Variants in KDM4C observed in about 807,000 individuals in gnomAD.
The protein encoded by KDM4C is lysine demethylase 4C.
Under a neutral mutation model 129.3 loss-of-function variants are expected in KDM4C, and 81 were observed. The observed-to-expected ratio is 0.63, with a 90% CI of 0.52 to 0.75. The LOEUF is 0.75. Among genes scored for constraint, KDM4C ranks in the 30% least tolerant of loss-of-function variants. The probability of loss-of-function intolerance (pLI) is 0.00; values close to 1 mark genes in which losing one functional copy is unlikely to be tolerated. For synonymous variants in KDM4C, 573 were observed against 456.1 expected, an observed-to-expected ratio of 1.26 and a Z score of -3.26; for missense variants, 1,457 against 1,304.0, an observed-to-expected ratio of 1.12 and a Z score of -1.81.
chr9:6,981,574 G>A (rs1816770156), intron 9 of KDM4C, among the ~76,000 whole-genome samples: 1 of 152,114 alleles, frequency 6.6e-6, no homozygotes. Flanking sequence ...TATGCACATG[G>A]TTTTATTCTT....
chr9:6,790,811 G>A (rs7040293), intron 1 of KDM4C, among the ~76,000 whole-genome samples: 16,343 of 151,962 alleles, frequency 0.11, 1,011 homozygotes, highest in African/African-American at 0.13. Context: ...ACTTACCTTT[G>A]CATTCTGTGT....
intron 1 of KDM4C, among the ~76,000 whole-genome samples, chr9:6,741,861 C>G (rs893112986): frequency 2.6e-5 from 4 of 151,090 alleles, no homozygotes; most frequent in African/African-American, 9.7e-5. Context: ...AGCCATCATG[C>G]CTGGCCTGTT....
At position 6,814,642 on chromosome 9, in the gene KDM4C, C is replaced by G; in HGVS notation, c.332C>G (p.Pro111Arg). The G allele has an allele frequency of 6.2e-7, 1 of 1,601,476 alleles. No homozygotes were observed. The highest frequency in any genetic ancestry group is 8.5e-7 in the Non-Finnish European group (1 of 1,173,068). ...QLANSGKYCT[P>R]RYLDYEDLER... Reference sequence around the variant, plus strand: ...TCTACCTTTTACAGATATTGTACTCCAAGATACTTGGATTACGAAGATTTG... The same window carrying G: ...TCTACCTTTTACAGATATTGTACTCGAAGATACTTGGATTACGAAGATTTG... Residue 111 changes from proline (P) to arginine (R), a missense_variant, in exon 4 of 22, where the codon CCA becomes CGA. By Grantham distance (103) the Pro-to-Arg change is moderately radical. Coordinates refer to ENST00000381309, the MANE Select transcript of KDM4C (RefSeq NM_015061.6).
intron 8 of KDM4C, among the ~76,000 whole-genome samples, chr9:6,973,254 G>T (rs1407951596): frequency 1.3e-5 from 2 of 152,130 alleles, no homozygotes; most frequent in Non-Finnish European, 2.9e-5. Flanking sequence ...TGTTGCCCAG[G>T]CTGCTCTTGA....
At chr9:7,084,378 C>A (rs545388552) in intron 17 of KDM4C, among the ~76,000 whole-genome samples, 1 of 152,202 alleles carries the variant, frequency 6.6e-6, no homozygotes, top group Non-Finnish European at 1.5e-5. Context: ...TTGTTAGCCA[C>A]TGTGGTGTTA....
chr9:7,072,722 C>T (rs1362958969), intron 17 of KDM4C, among the ~76,000 whole-genome samples: 1 of 152,136 alleles, frequency 6.6e-6, no homozygotes, highest in Non-Finnish European at 1.5e-5. Context: ...TTTGTGGAAA[C>T]TTACAGAAGT....
intron 13 of KDM4C, 32 bp from the exon 14 acceptor site, chr9:7,013,756 T>C: frequency 6.2e-7 from 1 of 1,601,042 alleles, no homozygotes; most frequent in East Asian, 2.2e-5. Flanking sequence ...TTTCCATGTT[T>C]TTCACTCATG....
intron 18 of KDM4C, among the ~76,000 whole-genome samples, chr9:7,115,678 A>G (rs953452641): frequency 6.6e-6 from 1 of 152,230 alleles, no homozygotes; most frequent in Non-Finnish European, 1.5e-5. Context: ...ATAACTTCCA[A>G]TATTTCTAAC....
At chr9:6,820,462 C>T (rs1237172143) in intron 4 of KDM4C, among the ~76,000 whole-genome samples, 3 of 152,100 alleles carry the variant, frequency 2.0e-5, no homozygotes, top group African/African-American at 4.8e-5. Context: ...GGTCCTGGGT[C>T]GTGGATCTGA....
At chr9:7,119,488 T>C (rs1451942991) in intron 18 of KDM4C, among the ~76,000 whole-genome samples, 1 of 152,162 alleles carries the variant, frequency 6.6e-6, no homozygotes, top group Non-Finnish European at 1.5e-5. Context: ...TTAACAGAAA[T>C]TTAAAAAATA....
intron 18 of KDM4C, among the ~76,000 whole-genome samples, chr9:7,114,219 A>C (rs1838649338): frequency 6.6e-6 from 1 of 152,248 alleles, no homozygotes; most frequent in East Asian, 1.9e-4. Context: ...TAGTTTGGGA[A>C]GCACCTGTAA....
chr9:7,006,810 T>A (rs2132090593), intron 12 of KDM4C, among the ~76,000 whole-genome samples: 1 of 152,310 alleles, frequency 6.6e-6, no homozygotes, highest in Non-Finnish European at 1.5e-5. Context: ...AGGTGATGAT[T>A]GGTTTCCTGG....
intron 8 of KDM4C, among the ~76,000 whole-genome samples, chr9:6,977,186 C>T (rs1311681616): frequency 6.6e-6 from 1 of 152,136 alleles, no homozygotes; most frequent in Non-Finnish European, 1.5e-5. Flanking sequence ...AAGAGTTTGC[C>T]ATCGGCTCCT....
chr9:6,879,673 G>A (rs1474319083), intron 5 of KDM4C, among the ~76,000 whole-genome samples: 3 of 152,130 alleles, frequency 2.0e-5, no homozygotes, highest in Admixed American at 1.3e-4. Flanking sequence ...CTAGAGTGCT[G>A]GGGTGCTATG....
At chr9:6,967,744 C>T (rs563955859) in intron 8 of KDM4C, among the ~76,000 whole-genome samples, 1 of 152,144 alleles carries the variant, frequency 6.6e-6, no homozygotes, top group Non-Finnish European at 1.5e-5. Context: ...CTATTATCCT[C>T]GAGTTCAGAG....
chr9:6,892,187 A>T (rs148271119), intron 7 of KDM4C, among the ~76,000 whole-genome samples: 26 of 152,320 alleles, frequency 1.7e-4, no homozygotes, highest in Non-Finnish European at 2.8e-4. Flanking sequence ...TTAAAGATAT[A>T]AGGGGTCTAT....
At chr9:7,028,702 C>G (rs956492676) in intron 15 of KDM4C, among the ~76,000 whole-genome samples, 4 of 151,980 alleles carry the variant, frequency 2.6e-5, no homozygotes, top group African/African-American at 7.3e-5. Context: ...TATTTCGCAC[C>G]CCAGAGTACT....
At chr9:6,766,687 TC>T (rs1247599059) in intron 1 of KDM4C, among the ~76,000 whole-genome samples, 1 of 151,990 alleles carries the variant, frequency 6.6e-6, no homozygotes, top group African/African-American at 2.4e-5. Context: ...AAAGTCTCGG[TC>T]CCTGGGAAAG....
chr9:7,010,382 A>G (rs900161631), intron 12 of KDM4C, among the ~76,000 whole-genome samples: 1 of 152,194 alleles, frequency 6.6e-6, no homozygotes, highest in Non-Finnish European at 1.5e-5. Context: ...GGCATTTGAC[A>G]TATTTTGAGT....
Sources: allele counts gnomAD v4.1 joint callset (sites outside exome capture counted in the v4.1 genomes callset), GRCh38; gene constraint gnomAD v4.1.1; transcripts MANE v1.5; gene names NCBI Gene and HGNC (gene_info 2026-07-23, HGNC 2026-07-21).